Variants in MMP16 observed in about 807,000 individuals in gnomAD.
MMP16 encodes matrix metallopeptidase 16, also known as matrix metalloproteinase-16.
In MMP16, 12 loss-of-function variants were observed where a neutral mutation model predicts 67.8. The ratio of observed to expected loss-of-function variants is 0.18; its 90% CI spans 0.11 to 0.29. The LOEUF is 0.29. Among genes scored for constraint, MMP16 ranks in the 10% least tolerant of loss-of-function variants. The probability of loss-of-function intolerance (pLI) is 1.00; values close to 1 mark genes in which losing one functional copy is unlikely to be tolerated. For missense variants in MMP16, 475 were observed against 765.7 expected (o/e 0.62, Z 4.48); for synonymous variants, 249 against 255.9 (o/e 0.97, Z 0.26).
At chr8:88,227,077 A>G (rs1195642441) in intron 1 of MMP16, among the ~76,000 whole-genome samples, 1 of 152,018 alleles carries the variant, frequency 6.6e-6, no homozygotes, top group Admixed American at 6.6e-5. Flanking sequence ...TATAAGTAAC[A>G]TAACTTCCTA....
At chr8:88,109,813 A>G (rs1309797706) in intron 6 of MMP16, among the ~76,000 whole-genome samples, 1 of 151,252 alleles carries the variant, frequency 6.6e-6, no homozygotes, top group African/African-American at 2.4e-5. Context: ...AAAACACAGA[A>G]AAACAGACAT....
intron 1 of MMP16, among the ~76,000 whole-genome samples, chr8:88,239,309 A>AAG (rs1237354728): frequency 2.0e-5 from 3 of 151,420 alleles, no homozygotes; most frequent in East Asian, 1.9e-4. Context: ...AAAAAAAAAA[A>AAG]AAAAAGAAAA....
At position 88,309,181 on chromosome 8, in the gene MMP16, A is replaced by G. The variant is rs181533105; in HGVS notation, c.132+17894T>C. On this transcript the variant is annotated intron_variant, in intron 1 of 9. Coordinates refer to ENST00000286614, the MANE Select transcript of MMP16 (RefSeq NM_005941.5). ...AACCAATTAACTCACATGTACTTAGATAAGTACACTGCATTATTTTTTAAT... is the reference window on the plus strand; with the variant it reads ...AACCAATTAACTCACATGTACTTAGGTAAGTACACTGCATTATTTTTTAAT... Among the ~76,000 whole-genome samples, 11 of 152,192 alleles carry G rather than the reference A, an allele frequency of 7.2e-5. 2 individuals are homozygous for G. The highest frequency in any genetic ancestry group is 2.6e-4 in the African/African-American group (11 of 41,550).
intron 7 of MMP16, among the ~76,000 whole-genome samples, chr8:88,067,664 T>C (rs1048228542): frequency 2.6e-5 from 4 of 152,174 alleles, no homozygotes; most frequent in African/African-American, 9.6e-5. Context: ...ACAAATGTTA[T>C]AATACAGTAT....
rs372719741 is a variant in MMP16 at position 88,056,116 on chromosome 8, G to T, written c.1373+12C>A. On this transcript the variant is annotated intron_variant, in intron 8 of 9. Transcript: ENST00000286614. Reference sequence around the variant, plus strand: ...TAATTAACTGTTTTTCTCATGAGAAGTGTATACTGACCTGTCTCCCTTGAA... The same window carrying T: ...TAATTAACTGTTTTTCTCATGAGAATTGTATACTGACCTGTCTCCCTTGAA... 7 of 1,509,344 alleles carry T rather than the reference G, an allele frequency of 4.6e-6. No homozygotes were observed. The African/African-American group carries it at 8.4e-5, about 18-fold the overall frequency. The allele number at this position is 1,509,344 out of a possible 1,614,324, so 93.5% of individuals were successfully genotyped here.
At chr8:88,264,557 A>C (rs1315839243) in intron 1 of MMP16, among the ~76,000 whole-genome samples, 2 of 152,216 alleles carry the variant, frequency 1.3e-5, no homozygotes, top group African/African-American at 4.8e-5. Context: ...AAGTATTAGA[A>C]ATACAGACTG....
At chr8:88,244,848 T>A (rs1586223524) in intron 1 of MMP16, among the ~76,000 whole-genome samples, 1 of 152,180 alleles carries the variant, frequency 6.6e-6, no homozygotes, top group African/African-American at 2.4e-5. Context: ...TTTCTCCTAG[T>A]CTCAGTTGAT....
At chr8:88,300,721 C>A (rs1307758648) in intron 1 of MMP16, among the ~76,000 whole-genome samples, 2 of 152,042 alleles carry the variant, frequency 1.3e-5, no homozygotes, top group Non-Finnish European at 2.9e-5. Context: ...GGAACTTATC[C>A]CATGAAGACA....
chr8:88,264,356 C>T (rs1464866443), intron 1 of MMP16, among the ~76,000 whole-genome samples: 2 of 152,106 alleles, frequency 1.3e-5, no homozygotes, highest in Non-Finnish European at 2.9e-5. Flanking sequence ...TGCATCACCA[C>T]ACCCGGCTGA....
intron 6 of MMP16, among the ~76,000 whole-genome samples, chr8:88,096,796 G>A (rs982028948): frequency 4.6e-5 from 7 of 151,872 alleles, no homozygotes; most frequent in African/African-American, 1.7e-4. Context: ...ATAGGAGGGT[G>A]TATTTTAATT....
chr8:88,234,841 C>A (rs981310234), intron 1 of MMP16, among the ~76,000 whole-genome samples: 2 of 152,172 alleles, frequency 1.3e-5, no homozygotes, highest in African/African-American at 4.8e-5. Context: ...GTTTAAATGT[C>A]TTTCAGAAAG....
At chr8:88,063,837 A>G (rs887987533) in intron 7 of MMP16, among the ~76,000 whole-genome samples, 10 of 151,810 alleles carry the variant, frequency 6.6e-5, no homozygotes, top group Non-Finnish European at 1.0e-4. Flanking sequence ...TCCTTTATCA[A>G]CTCATCACCT....
chr8:88,144,620 AT>A (rs768562724), intron 4 of MMP16, among the ~76,000 whole-genome samples: 1 of 151,898 alleles, frequency 6.6e-6, no homozygotes, highest in Non-Finnish European at 1.5e-5. Flanking sequence ...ATAAAGTTCC[AT>A]TTTATATATG....
intron 4 of MMP16, among the ~76,000 whole-genome samples, chr8:88,149,166 G>A (rs959227760): frequency 2.0e-5 from 3 of 152,192 alleles, no homozygotes; most frequent in Non-Finnish European, 2.9e-5. Context: ...CTTAAAAAAC[G>A]GCGCACCACG....
intron 6 of MMP16, among the ~76,000 whole-genome samples, chr8:88,113,433 G>A (rs576494577): frequency 1.3e-5 from 2 of 151,748 alleles, no homozygotes; most frequent in African/African-American, 4.8e-5. Flanking sequence ...TGTAATAAAC[G>A]AAAGTAGAAA....
intron 1 of MMP16, among the ~76,000 whole-genome samples, chr8:88,249,479 T>C (rs532887748): frequency 6.6e-6 from 1 of 152,212 alleles, no homozygotes; most frequent in Admixed American, 6.5e-5. Context: ...TTCCCCAGCC[T>C]AAGGGAATAG....
intron 6 of MMP16, among the ~76,000 whole-genome samples, chr8:88,110,290 T>C (rs191899614): frequency 1.3e-5 from 2 of 151,610 alleles, no homozygotes; most frequent in East Asian, 3.9e-4. Flanking sequence ...AATTAAAACA[T>C]TTAAAGATTT....
chr8:88,183,072 T>A (rs1034632259), intron 3 of MMP16, among the ~76,000 whole-genome samples: 1 of 152,038 alleles, frequency 6.6e-6, no homozygotes, highest in African/African-American at 2.4e-5. Flanking sequence ...AGAGAAGGGA[T>A]AAATAGGTGA....
intron 6 of MMP16, among the ~76,000 whole-genome samples, chr8:88,097,960 T>C (rs1334859765): frequency 1.3e-5 from 2 of 151,828 alleles, no homozygotes; most frequent in Non-Finnish European, 2.9e-5. Flanking sequence ...CCCAAGACTT[T>C]TGACACCAAC....
Sources: allele counts gnomAD v4.1 joint callset (sites outside exome capture counted in the v4.1 genomes callset), GRCh38; gene constraint gnomAD v4.1.1; transcripts MANE v1.5; gene names NCBI Gene and HGNC (gene_info 2026-07-23, HGNC 2026-07-21).